The following ABLIM3 variants were observed in gnomAD, a reference collection of about 807,000 sequenced individuals.
ABLIM3 encodes actin binding LIM protein family member 3, also known as actin-binding LIM protein 3.
Under a neutral mutation model 109.5 loss-of-function variants are expected in ABLIM3, and 61 were observed. The ratio of observed to expected loss-of-function variants is 0.56; its 90% CI spans 0.45 to 0.69. The LOEUF is 0.69. Ranked by LOEUF, ABLIM3 falls within the 30% of genes least tolerant of loss-of-function variation. The pLI is 0.00. For missense variants in ABLIM3, 796 were observed against 889.5 expected, an observed-to-expected ratio of 0.89 and a Z score of 1.34; for synonymous variants, 300 against 324.8, an observed-to-expected ratio of 0.92 and a Z score of 0.82.
At chr5:149,196,092 A>G (rs1757946558) in intron 3 of ABLIM3, among the ~76,000 whole-genome samples, 1 of 152,110 alleles carries the variant, frequency 6.6e-6, no homozygotes. Context: ...TGATGAGACC[A>G]GAGGTTGGGT....
chr5:149,206,879 T>G, intron 5 of ABLIM3, 129 bp from the exon 6 acceptor site: 1 of 1,141,926 alleles, frequency 8.8e-7, no homozygotes, highest in Non-Finnish European at 1.1e-6. Context: ...CTGGGAAGCT[T>G]CCAGTGTCAG....
At chr5:149,190,641 C>T (rs1436178228) in intron 3 of ABLIM3, among the ~76,000 whole-genome samples, 2 of 152,200 alleles carry the variant, frequency 1.3e-5, no homozygotes, top group African/African-American at 4.8e-5. Flanking sequence ...TATCACGCCA[C>T]TGCACTCCAG....
Position 149,259,263 on chromosome 5 carries a change from C to T in ABLIM3, c.*859C>T. The T allele has an allele frequency of 2.3e-6, 3 of 1,316,936 alleles. No homozygotes were observed. The highest frequency in any genetic ancestry group is 3.2e-5 in the East Asian group (1 of 31,136). 81.6% of individuals were successfully genotyped at this position (1,316,936 alleles called of 1,614,324 possible). On this transcript the variant is annotated 3_prime_UTR_variant, in exon 24 of 24. Coordinates refer to ENST00000309868, the MANE Select transcript of ABLIM3 (RefSeq NM_014945.5). Reference sequence around the variant, plus strand: ...CCTCACTGCTCCCAGCACCTCCTGACCCTTCCCTCTTTCAAGGAGAAGCCC... The same window carrying T: ...CCTCACTGCTCCCAGCACCTCCTGATCCTTCCCTCTTTCAAGGAGAAGCCC...
At chr5:149,151,909 G>C (rs770612015) in intron 2 of ABLIM3, among the ~76,000 whole-genome samples, 2 of 152,224 alleles carry the variant, frequency 1.3e-5, no homozygotes, top group Non-Finnish European at 2.9e-5. Flanking sequence ...TAATGCTGGA[G>C]ATACAACAGT....
At chr5:149,167,650 G>A (rs1754950776) in intron 2 of ABLIM3, among the ~76,000 whole-genome samples, 1 of 152,176 alleles carries the variant, frequency 6.6e-6, no homozygotes, top group Middle Eastern at 3.2e-3. Flanking sequence ...AAACCACAGT[G>A]TGCTAGGTAT....
At chr5:149,233,168 AC>A (rs1462855032) in intron 9 of ABLIM3, 60 bp from the exon 10 acceptor site, 22 of 1,494,408 alleles carry the variant, frequency 1.5e-5, no homozygotes, top group Non-Finnish European at 2.0e-5. Flanking sequence ...CCCCTGTCTC[AC>A]CCTCCCCACC....
At chr5:149,243,945 A>C (rs1476944160) in intron 15 of ABLIM3, 2 of 152,374 alleles carry the variant, frequency 1.3e-5, no homozygotes, top group Non-Finnish European at 2.9e-5. Context: ...AAGCTTTGGA[A>C]GCAAGTGCTG....
intron 19 of ABLIM3, among the ~76,000 whole-genome samples, chr5:149,250,052 C>T (rs1753774190): frequency 6.6e-6 from 1 of 152,146 alleles, no homozygotes; most frequent in Non-Finnish European, 1.5e-5. Context: ...AATAGATGGT[C>T]CCAGAGGAAA....
In ABLIM3 at chr5:149,241,714, G is replaced by A. The variant is rs920309252; in HGVS notation, c.1304-777G>A. Among the ~76,000 whole-genome samples the A allele has an allele frequency of 2.0e-5, 3 of 152,276 alleles. 1 individual carries two copies. In the South Asian group the frequency reaches 6.2e-4, roughly 32 times the overall value. On this transcript the variant is annotated intron_variant, in intron 14 of 23. Coordinates refer to ENST00000309868, the MANE Select transcript of ABLIM3 (RefSeq NM_014945.5). ...GCGGAGGTTGCAGTGAGCCAAGATC[G>A]TGCCACTGCATTCCAGCCTGGGTGA... is the stretch of plus-strand genomic sequence containing the variant.
intron 6 of ABLIM3, among the ~76,000 whole-genome samples, chr5:149,209,673 C>T (rs926444891): frequency 7.9e-5 from 12 of 152,224 alleles, no homozygotes; most frequent in Non-Finnish European, 1.8e-4. Flanking sequence ...GCAGAGCTAC[C>T]CTCCCGCACC....
chr5:149,250,337 C>A, intron 19 of ABLIM3, 110 bp from the exon 20 acceptor site: 2 of 1,107,446 alleles, frequency 1.8e-6, no homozygotes, highest in Non-Finnish European at 2.7e-6. Flanking sequence ...TGGCCTCCAC[C>A]CCTTCCTGCT....
intron 2 of ABLIM3, among the ~76,000 whole-genome samples, chr5:149,168,697 G>T (rs930818031): frequency 6.6e-6 from 1 of 152,152 alleles, no homozygotes; most frequent in Non-Finnish European, 1.5e-5. Flanking sequence ...GTGAAAGTTG[G>T]CAAACACATC....
intron 23 of ABLIM3, among the ~76,000 whole-genome samples, chr5:149,257,002 G>A (rs1156752745): frequency 6.6e-6 from 1 of 152,208 alleles, no homozygotes; most frequent in African/African-American, 2.4e-5. Flanking sequence ...CTGAAGGTAT[G>A]GGGAAAATGT....
chr5:149,258,151 G>C, intron 23 of ABLIM3, 140 bp from the exon 24 acceptor site: 1 of 624,380 alleles, frequency 1.6e-6, no homozygotes, highest in South Asian at 2.0e-5. Flanking sequence ...CATTCCCCAG[G>C]CTCAGGCACC....
rs1298529588 is a variant in ABLIM3 at position 149,230,581 on chromosome 5, G to A, written c.758-68G>A. The A allele has an allele frequency of 6.5e-6, 10 of 1,539,492 alleles. 1 individual carries two copies. Among genetic ancestry groups the A allele is most frequent in the Admixed American group, 5.0e-5 (3 of 59,874 alleles). On this transcript the variant is annotated intron_variant, in intron 8 of 23. Transcript: ENST00000309868. Reference sequence around the variant, plus strand: ...TACGCTGACCACGGAGTGAATCAAGGTGGGACATGGGGAGAGTGCTGGAGG... The same window carrying A: ...TACGCTGACCACGGAGTGAATCAAGATGGGACATGGGGAGAGTGCTGGAGG...
chr5:149,219,598 T>C (rs895667562), intron 8 of ABLIM3: 5 of 152,264 alleles, frequency 3.3e-5, no homozygotes, highest in African/African-American at 1.2e-4. Context: ...CTTTCCACTT[T>C]ACCCCTGGGA....
chr5:149,237,660 G>C (rs1752352608), intron 11 of ABLIM3, 57 bp downstream of exon 11: 1 of 1,603,136 alleles, frequency 6.2e-7, no homozygotes, highest in Non-Finnish European at 8.5e-7. Context: ...TTGCTCTGGG[G>C]TCCCCAGCCC....
intron 8 of ABLIM3, among the ~76,000 whole-genome samples, chr5:149,227,070 C>CAAAAA (rs70973514): frequency 3.1e-5 from 3 of 96,332 alleles, no homozygotes; most frequent in Non-Finnish European, 6.2e-5. Context: ...AACTCCATCT[C>CAAAAA]AAAAAAAAAA....
At chr5:149,205,255 A>G (rs1412569726) in intron 5 of ABLIM3, among the ~76,000 whole-genome samples, 1 of 152,192 alleles carries the variant, frequency 6.6e-6, no homozygotes, top group East Asian at 1.9e-4. Context: ...TACCTGTCCA[A>G]GGGCAGAGTG....
Sources: allele counts gnomAD v4.1 joint callset (sites outside exome capture counted in the v4.1 genomes callset), GRCh38; gene constraint gnomAD v4.1.1; transcripts MANE v1.5; gene names NCBI Gene and HGNC (gene_info 2026-07-23, HGNC 2026-07-21).